The following ATP1B2 variants were observed in gnomAD, a reference collection of about 807,000 sequenced individuals.
ATP1B2 encodes ATPase Na+/K+ transporting subunit beta 2, also known as sodium/potassium-transporting ATPase subunit beta-2.
A neutral mutation model predicts 37.3 loss-of-function variants in ATP1B2; 12 were observed. That is an observed-to-expected ratio of 0.32 (90% CI 0.21 to 0.52). The LOEUF (loss-of-function observed/expected upper bound fraction) is 0.52, where lower values mean the gene tolerates loss of function less well. Among genes scored for constraint, ATP1B2 ranks in the 20% least tolerant of loss-of-function variants. The pLI is 0.96. For missense variants in ATP1B2, 324 were observed against 391.6 expected (o/e 0.83, Z 1.46); for synonymous variants, 139 against 140.5 (o/e 0.99, Z 0.07).
Position 7,655,572 on chromosome 17 carries a change from G to A in ATP1B2, c.655G>A (p.Ala219Thr), listed in dbSNP as rs761002067. Residue 219 changes from alanine to threonine, a missense_variant, in exon 6 of 7, where the codon GCC (alanine) becomes ACC (threonine). Ala to Thr is a moderately conservative substitution (Grantham distance 58). Coordinates refer to ENST00000250111, the MANE Select transcript of ATP1B2 (RefSeq NM_001678.5). The surrounding 1 kb of genome is among the most constrained non-coding windows in gnomAD (Gnocchi z 4.4). Reference protein sequence around the residue: ...ENLGNFVMFPANGNIDLMYFP... With the variant: ...ENLGNFVMFPTNGNIDLMYFP... ...TCTCGGCAACTTCGTCATGTTCCCC[G>A]CCAACGGCAACATCGACCTCATGTA... 18 of 1,614,110 alleles carry A rather than the reference G, an allele frequency of 1.1e-5. No individual in the cohort carries two copies. The highest frequency in any genetic ancestry group is 1.4e-5 in the Non-Finnish European group (17 of 1,180,020).
At chr17:7,652,818 T>G (rs2072622772) in intron 1 of ATP1B2, among the ~76,000 whole-genome samples, 1 of 152,124 alleles carries the variant, frequency 6.6e-6, no homozygotes, top group Non-Finnish European at 1.5e-5. Context: ...CTGTTGAAGG[T>G]TCTAACAAGC....
Position 7,655,915 on chromosome 17 carries a change from A to G in ATP1B2, c.*20A>G, listed in dbSNP as rs370134030. 14 of 1,612,486 alleles carry G rather than the reference A, an allele frequency of 8.7e-6. No homozygotes were observed. The highest frequency in any genetic ancestry group is 1.2e-5 in the Non-Finnish European group (14 of 1,179,284). On this transcript the variant is annotated 3_prime_UTR_variant, in exon 7 of 7. Coordinates refer to ENST00000250111, the MANE Select transcript of ATP1B2 (RefSeq NM_001678.5). This position sits in a 1 kb window ranked among gnomAD's most constrained non-coding sequence, Gnocchi z 4.4. ...ACCTGAGGCCCCTTCCTCCCACCCC[A>G]TCTCTCTCCTGTGGATGCTCCTGGA...
At chr17:7,652,755 C>G (rs2072622380) in intron 1 of ATP1B2, among the ~76,000 whole-genome samples, 1 of 152,152 alleles carries the variant, frequency 6.6e-6, no homozygotes, top group Non-Finnish European at 1.5e-5. Context: ...GAGATTCTGC[C>G]TTTCCTCCCT....
At position 7,653,543 on chromosome 17, in the gene ATP1B2, C is replaced by A. The variant is rs762155123; in HGVS notation, c.241+41C>A. On this transcript the variant is annotated intron_variant, in intron 2 of 6. Coordinates refer to ENST00000250111, the MANE Select transcript of ATP1B2 (RefSeq NM_001678.5). ...CCCCCTGCCAGCTACTCTAACTGCT[C>A]TTGTGCCCCCAAACCTCCAGAAGGA... 7 of 1,609,140 alleles carry A rather than the reference C, an allele frequency of 4.4e-6. No individual in the cohort carries two copies. In the East Asian group the frequency reaches 1.6e-4, roughly 36 times the overall value.
Position 7,656,080 on chromosome 17 carries a change from C to A in ATP1B2, c.*185C>A. The A allele has an allele frequency of 2.6e-6, 2 of 768,692 alleles. No individual in the cohort carries two copies. The highest frequency in any genetic ancestry group is 4.1e-6 in the Non-Finnish European group (2 of 491,886). 47.6% of individuals were successfully genotyped at this position (768,692 alleles called of 1,614,324 possible). ...AAGTCCATTGCGGTTCCGTCACTCG[C>A]CTTTCCCACCAACTTCTCCCAACCT... On this transcript the variant is annotated 3_prime_UTR_variant, in exon 7 of 7. Coordinates refer to ENST00000250111, the MANE Select transcript of ATP1B2 (RefSeq NM_001678.5).
chr17:7,648,566 C>CA (rs2072589018), upstream of ATP1B2, among the ~76,000 whole-genome samples: 1 of 23,246 alleles, frequency 4.3e-5, no homozygotes, highest in Non-Finnish European at 8.6e-5. Flanking sequence ...GACTCTGTCT[C>CA]CAAAAAAAAA....
chr17:7,655,125 CT>C lies in ATP1B2; in HGVS notation c.610-400del. The stretch of plus-strand genomic sequence containing the variant: ...GTTGTCCTTGGGACCCTGTTCCCCG[CT>C]TCCCCCCCGGTCTGTCCTTTCTAGA... On this transcript the variant is annotated intron_variant, in intron 5 of 6. Transcript: ENST00000250111. The surrounding 1 kb of genome is among the most constrained non-coding windows in gnomAD (Gnocchi z 4.4). 1 of 315,838 alleles carries C rather than the reference CT, an allele frequency of 3.2e-6. No homozygotes were observed. Among genetic ancestry groups the C allele is most frequent in the Non-Finnish European group, 5.9e-6 (1 of 169,440 alleles). The allele number at this position is 315,838 out of a possible 1,614,324, so 19.6% of individuals were successfully genotyped here.
At chr17:7,648,567 CAAAAAAAAA>C (rs58333874), upstream of ATP1B2, among the ~76,000 whole-genome samples, 7 of 69,678 alleles carry the variant, frequency 1.0e-4, no homozygotes, top group South Asian at 5.3e-4. Flanking sequence ...ACTCTGTCTC[CAAAAAAAAA>C]AAAAAAAAAA....
chr17:7,653,717 A>C, intron 2 of ATP1B2, 124 bp from the exon 3 acceptor site: 1 of 1,251,948 alleles, frequency 8.0e-7, no homozygotes, highest in East Asian at 2.3e-5. Context: ...TCACCCTCCC[A>C]TGAAGACGAT....
chr17:7,649,424 A>G (rs554516959), upstream of ATP1B2, among the ~76,000 whole-genome samples: 86 of 142,246 alleles, frequency 6.0e-4, no homozygotes, highest in Middle Eastern at 4.6e-3. Flanking sequence ...GTCTCACTCT[A>G]TTGCCCAAGC....
intron 1 of ATP1B2, among the ~76,000 whole-genome samples, chr17:7,652,066 TG>T (rs985184228): frequency 6.6e-6 from 1 of 151,162 alleles, no homozygotes; most frequent in African/African-American, 2.4e-5. Flanking sequence ...GGGCGGGTCT[TG>T]GGGGGTGTGT....
chr17:7,651,698 C>A (rs972355104), intron 1 of ATP1B2, 68 bp downstream of exon 1: 5 of 1,393,210 alleles, frequency 3.6e-6, no homozygotes, highest in Non-Finnish European at 4.8e-6. Context: ...CGCAGGGTCC[C>A]GCCGACGCGG....
chr17:7,652,116 C>T (rs2072618103), intron 1 of ATP1B2, among the ~76,000 whole-genome samples: 1 of 152,052 alleles, frequency 6.6e-6, no homozygotes, highest in African/African-American at 2.4e-5. Flanking sequence ...CTGTATCCCA[C>T]CGCCTGGCCT....
Position 7,656,805 on chromosome 17 carries a change from T to C in ATP1B2, c.*910T>C. ...CCGAGTAGCTGGGACTACAGGCATG[T>C]GCCACCATGCCCGGCTAATTTCTTT... is the stretch of plus-strand genomic sequence containing the variant. On this transcript the variant is annotated 3_prime_UTR_variant, in exon 7 of 7. Transcript: ENST00000250111. 1 of 151,608 alleles carries C rather than the reference T, an allele frequency of 6.6e-6. No individual in the cohort carries two copies. The highest frequency in any genetic ancestry group is 3.4e-3 in the Middle Eastern group (1 of 294). The allele number at this position is 151,608 out of a possible 1,614,324, so 9.4% of individuals were successfully genotyped here.
At chr17:7,648,196 C>T (rs557217066), upstream of ATP1B2, among the ~76,000 whole-genome samples, 4 of 152,212 alleles carry the variant, frequency 2.6e-5, no homozygotes, top group South Asian at 2.1e-4. Flanking sequence ...GCCAAGATCG[C>T]GTCACTGCAC....
upstream of ATP1B2, among the ~76,000 whole-genome samples, chr17:7,647,826 G>GA (rs34594515): frequency 0.76 from 110,716 of 145,838 alleles, 43,425 homozygotes; most frequent in Middle Eastern, 0.89. Flanking sequence ...CTCAAAAAAA[G>GA]AAAAAAAAAA....
At chr17:7,650,114 G>T (rs1343781175), upstream of ATP1B2, among the ~76,000 whole-genome samples, 2 of 152,224 alleles carry the variant, frequency 1.3e-5, no homozygotes, top group African/African-American at 2.4e-5. Context: ...ACAGCACACA[G>T]TCTATAGAGG....
At chr17:7,650,135 ATGTT>A (rs2072600728), upstream of ATP1B2, among the ~76,000 whole-genome samples, 1 of 152,140 alleles carries the variant, frequency 6.6e-6, no homozygotes, top group Non-Finnish European at 1.5e-5. Flanking sequence ...TGCTCAATAA[ATGTT>A]TGTTGACCCA....
chr17:7,651,748 T>A, intron 1 of ATP1B2, 118 bp downstream of exon 1: 1 of 863,972 alleles, frequency 1.2e-6, no homozygotes, highest in Middle Eastern at 3.6e-4. Flanking sequence ...CCAGCCTCCC[T>A]GCCGGGCTCT....
Sources: gnomAD v4.1 joint callset for allele counts (sites outside exome capture counted in the v4.1 genomes callset) on GRCh38, gnomAD v4.1.1 for gene constraint, Gnocchi (gnomAD v3.1) non-coding constraint, MANE v1.5 for transcripts, NCBI Gene and HGNC (gene_info 2026-07-23, HGNC 2026-07-21) for gene names.